The following TRIB3 variants were observed in gnomAD, a reference collection of about 807,000 sequenced individuals.
The protein encoded by TRIB3 is tribbles homolog 3.
Under a neutral mutation model 16.6 loss-of-function variants are expected in TRIB3, and 20 were observed. That is an observed-to-expected ratio of 1.20 (90% CI 0.85 to 1.75). TRIB3 has a LOEUF of 1.75. Ranked by LOEUF, TRIB3 falls within the 40% of genes most tolerant of loss-of-function variation. TRIB3 has a pLI of 0.00. For missense variants in TRIB3, 484 were observed against 488.9 expected (o/e 0.99, Z 0.10); for synonymous variants, 208 against 217.0 (o/e 0.96, Z 0.36).
intron 1 of TRIB3, chr20:385,414 ATTTTTTT>A (rs35941123): frequency 1.5e-5 from 2 of 137,686 alleles, no homozygotes; most frequent in Admixed American, 7.1e-5. Flanking sequence ...CGCCCGGCCT[ATTTTTTT>A]TTTTTTTTTA....
chr20:396,449 C>T lies in TRIB3; in HGVS notation c.836C>T (p.Ala279Val), dbSNP rs1178138769. ...LFGKIRRGAY[A>V]LPAGLSAPAR... ...GGCAAGATCCGCCGCGGGGCCTACG[C>T]CTTGCCTGCAGGCCTCTCGGCCCCT... is the stretch of plus-strand genomic sequence containing the variant. Residue 279 changes from alanine to valine, a missense_variant, in exon 4 of 4, where the codon GCC (alanine) becomes GTC (valine). Ala to Val is a moderately conservative substitution (Grantham distance 64). Coordinates refer to ENST00000217233, the MANE Select transcript of TRIB3 (RefSeq NM_021158.5). The T allele has an allele frequency of 1.2e-6, 2 of 1,612,778 alleles. No individual in the cohort carries two copies. The highest frequency in any genetic ancestry group is 2.2e-5 in the East Asian group (1 of 44,900).
intron 1 of TRIB3, among the ~76,000 whole-genome samples, chr20:383,609 AT>A (rs1209148275): frequency 1.0e-4 from 15 of 149,854 alleles, no homozygotes; most frequent in South Asian, 6.3e-4. Context: ...TGACCAGATA[AT>A]TTTTTTTTTC....
chr20:394,272 C>T (rs1225866095), intron 3 of TRIB3, among the ~76,000 whole-genome samples: 2 of 152,190 alleles, frequency 1.3e-5, no homozygotes, highest in African/African-American at 4.8e-5. Flanking sequence ...GCCTTGGCCT[C>T]CCAAAGTGCT....
rs757442359 is a variant in TRIB3 at position 396,355 on chromosome 20, G to A, written c.742G>A (p.Gly248Ser). 6.2e-7 allele frequency: 1 copy of A among 1,613,572 alleles called. No homozygotes were observed. The highest frequency in any genetic ancestry group is 1.1e-5 in the South Asian group (1 of 91,092). ...CAAGGCAGCCGATGTCTGGAGCCTGGGCGTGGCGCTCTTCACCATGCTGGC... is the reference window on the plus strand; with the variant it reads ...CAAGGCAGCCGATGTCTGGAGCCTGAGCGTGGCGCTCTTCACCATGCTGGC... Reference protein sequence around the residue: ...SGKAADVWSLGVALFTMLAGH... With the variant: ...SGKAADVWSLSVALFTMLAGH... Residue 248 changes from glycine (G) to serine (S), a missense_variant, in exon 4 of 4, where the codon GGC becomes AGC. Coordinates refer to ENST00000217233, the MANE Select transcript of TRIB3 (RefSeq NM_021158.5).
intron 1 of TRIB3, among the ~76,000 whole-genome samples, chr20:387,555 A>G (rs6051611): frequency 0.034 from 2,743 of 79,998 alleles, 59 homozygotes; most frequent in East Asian, 0.097. Flanking sequence ...TCTCTTGGGG[A>G]AAAAAAAAAA....
In TRIB3 at chr20:396,627, T is replaced by C. The variant is rs1177345194; in HGVS notation, c.1014T>C (p.Asp338=). The C allele has an allele frequency of 1.9e-6, 3 of 1,612,958 alleles. No homozygotes were observed. Among genetic ancestry groups the C allele is most frequent in the Non-Finnish European group, 2.5e-6 (3 of 1,180,016 alleles). ...GGGAGGCTGCCCAGGTGGTCCCTGA[T>C]GGACTGGGGCTGGACGAAGCCAGGG... ...HLWEAAQVVP[D]GLGLDEAREE... is the part of the protein sequence containing the mutation. Residue 338 remains aspartate, a synonymous_variant, in exon 4 of 4, where the codon GAT becomes GAC. Coordinates refer to ENST00000217233, the MANE Select transcript of TRIB3 (RefSeq NM_021158.5).
In TRIB3 at chr20:396,374, T is replaced by A; in HGVS notation, c.761T>A (p.Met254Lys). 1.9e-6 allele frequency: 3 copies of A among 1,613,526 alleles called. No homozygotes were observed. The highest frequency in any genetic ancestry group is 2.5e-6 in the Non-Finnish European group (3 of 1,180,032). ...VWSLGVALFT[M>K]LAGHYPFQDS... is the part of the protein sequence containing the mutation. ...AGCCTGGGCGTGGCGCTCTTCACCA[T>A]GCTGGCCGGCCACTACCCCTTCCAG... is the stretch of plus-strand genomic sequence containing the variant. Residue 254 changes from methionine to lysine, a missense_variant, in exon 4 of 4, where the codon ATG (methionine) becomes AAG (lysine). Transcript: ENST00000217233.
intron 2 of TRIB3, among the ~76,000 whole-genome samples, chr20:390,694 C>T (rs187168184): frequency 4.8e-4 from 73 of 152,162 alleles, no homozygotes; most frequent in East Asian, 2.5e-3. Flanking sequence ...GGCCATATAG[C>T]GTAGCAGTTA....
intron 1 of TRIB3, 45 bp downstream of exon 1, chr20:381,214 G>A (rs903520601): frequency 2.0e-5 from 3 of 152,230 alleles, no homozygotes; most frequent in African/African-American, 7.2e-5. Context: ...GAGGCCGGGG[G>A]GCGGGAGGGG....
intron 1 of TRIB3, among the ~76,000 whole-genome samples, chr20:387,743 T>C (rs1486873355): frequency 6.6e-6 from 1 of 152,192 alleles, no homozygotes. Flanking sequence ...TTCTACTGCC[T>C]GACATTTGGG....
At chr20:382,151 G>A (rs111247861) in intron 1 of TRIB3, among the ~76,000 whole-genome samples, 3,162 of 152,110 alleles carry the variant, frequency 0.021, 62 homozygotes, top group Middle Eastern at 0.085. Flanking sequence ...GCTTGCGCTT[G>A]ATGTAACCCG....
intron 1 of TRIB3, chr20:382,673 C>T (rs1469097100): frequency 1.0e-5 from 12 of 1,204,038 alleles, no homozygotes; most frequent in East Asian, 2.5e-5. Context: ...TTCATCATCA[C>T]GAAAAACCTG....
At chr20:391,621 G>T in intron 3 of TRIB3, 42 bp downstream of exon 3, 1 of 1,579,796 alleles carries the variant, frequency 6.3e-7, no homozygotes, top group Non-Finnish European at 8.6e-7. Flanking sequence ...ACACACCCAG[G>T]GGGTGGGCCA....
chr20:388,157 C>G lies in TRIB3; in HGVS notation c.147C>G (p.Pro49=). The G allele has an allele frequency of 1.2e-6, 2 of 1,614,076 alleles. No homozygotes were observed. The highest frequency in any genetic ancestry group is 1.7e-6 in the Non-Finnish European group (2 of 1,180,024). The change falls in exon 2 of 4, where the codon CCC becomes CCG. Residue 49 remains proline (P), a synonymous_variant. Transcript: ENST00000217233. ...CCAGACTGCCCCCCTGCCTGTTGCC[C>G]CTGAGCCCACCTACTGCTCCAGATC... The part of the protein sequence containing the change: ...PQPRLPPCLL[P]LSPPTAPDRA...
intron 3 of TRIB3, among the ~76,000 whole-genome samples, chr20:393,373 C>T (rs1178988076): frequency 6.6e-6 from 1 of 152,032 alleles, no homozygotes; most frequent in Non-Finnish European, 1.5e-5. Flanking sequence ...ACTCTGTCAC[C>T]CAGGCTGGAG....
At chr20:382,077 A>G (rs1358187221) in intron 1 of TRIB3, among the ~76,000 whole-genome samples, 2 of 149,858 alleles carry the variant, frequency 1.3e-5, no homozygotes, top group Non-Finnish European at 3.0e-5. Flanking sequence ...CGGGTAGACC[A>G]TGGGTGTGAC....
chr20:383,948 G>A (rs1439883662), intron 1 of TRIB3, among the ~76,000 whole-genome samples: 1 of 152,086 alleles, frequency 6.6e-6, no homozygotes, highest in East Asian at 1.9e-4. Flanking sequence ...CCCCAGCTCA[G>A]GACATGAAGC....
chr20:391,791 G>A (rs574347977), intron 3 of TRIB3, among the ~76,000 whole-genome samples: 2 of 152,334 alleles, frequency 1.3e-5, no homozygotes, highest in Middle Eastern at 3.4e-3. Flanking sequence ...GGAGGCCGAG[G>A]TGGGTGAATC....
In TRIB3 at chr20:396,358, G is replaced by A. The variant is rs141572809; in HGVS notation, c.745G>A (p.Val249Met). 1.1e-4 allele frequency: 176 copies of A among 1,613,686 alleles called. 2 individuals are homozygous for A. In the African/African-American group the frequency reaches 1.4e-3, roughly 12 times the overall value. ...GKAADVWSLGVALFTMLAGHY... is the reference protein window; with the variant it reads ...GKAADVWSLGMALFTMLAGHY... Reference sequence around the variant, plus strand: ...GGCAGCCGATGTCTGGAGCCTGGGCGTGGCGCTCTTCACCATGCTGGCCGG... The same window carrying A: ...GGCAGCCGATGTCTGGAGCCTGGGCATGGCGCTCTTCACCATGCTGGCCGG... The change falls in exon 4 of 4, where the codon GTG (valine) becomes ATG (methionine). Residue 249 changes from valine (V) to methionine (M), a missense_variant. Val to Met is a conservative substitution (Grantham distance 21). Transcript: ENST00000217233.
Sources: gnomAD v4.1 joint callset for allele counts (sites outside exome capture counted in the v4.1 genomes callset) on GRCh38, gnomAD v4.1.1 for gene constraint, MANE v1.5 for transcripts, NCBI Gene and HGNC (gene_info 2026-07-23, HGNC 2026-07-21) for gene names.